The following MAF variants were observed in gnomAD, a reference collection of about 807,000 sequenced individuals.
MAF encodes MAF bZIP transcription factor.
Under a neutral mutation model 22.0 loss-of-function variants are expected in MAF, and 10 were observed. The ratio of observed to expected loss-of-function variants is 0.45; its 90% CI spans 0.28 to 0.77. The LOEUF (loss-of-function observed/expected upper bound fraction) is 0.77, where lower values mean the gene tolerates loss of function less well. MAF is among the 30% of genes least tolerant of loss of function. MAF has a pLI of 0.12. For synonymous variants in MAF, 337 were observed against 255.8 expected, an observed-to-expected ratio of 1.32 and a Z score of -3.03; for missense variants, 544 against 548.4, an observed-to-expected ratio of 0.99 and a Z score of 0.08.
At chr16:79,231,410 C>G in the MAF span, among the ~76,000 whole-genome samples, 1 of 152,016 alleles carries the variant, frequency 6.6e-6, no homozygotes, top group African/African-American at 2.4e-5. Flanking sequence ...AGGATGTAGT[C>G]TAAATCACGA....
At chr16:79,316,512 G>C in the MAF span, among the ~76,000 whole-genome samples, 6 of 152,186 alleles carry the variant, frequency 3.9e-5, no homozygotes, top group African/African-American at 9.6e-5. Flanking sequence ...CTGCTAAATG[G>C]GATAAATGTT....
the MAF span, among the ~76,000 whole-genome samples, chr16:79,510,341 C>G: frequency 5.9e-5 from 9 of 152,190 alleles, no homozygotes; most frequent in African/African-American, 2.2e-4. Flanking sequence ...CGAGAATCCT[C>G]TGATTGTAAA....
At chr16:79,304,771 A>T in the MAF span, among the ~76,000 whole-genome samples, 5 of 152,208 alleles carry the variant, frequency 3.3e-5, no homozygotes, top group Non-Finnish European at 7.3e-5. Context: ...GGACTAAATG[A>T]TTATTGCTGT....
chr16:79,333,405 C>T, the MAF span, among the ~76,000 whole-genome samples: 1 of 152,088 alleles, frequency 6.6e-6, no homozygotes, highest in Non-Finnish European at 1.5e-5. Flanking sequence ...TGTAAAAAGT[C>T]AGTGGGGCAG....
the MAF span, among the ~76,000 whole-genome samples, chr16:79,422,865 G>A: frequency 6.6e-6 from 1 of 152,228 alleles, no homozygotes; most frequent in Admixed American, 6.5e-5. Context: ...GAATAAAAGA[G>A]GTAAGGTCTC....
At chr16:79,555,196 C>T in the MAF span, among the ~76,000 whole-genome samples, 1 of 152,314 alleles carries the variant, frequency 6.6e-6, no homozygotes, top group African/African-American at 2.4e-5. Flanking sequence ...CTTCCATCCT[C>T]CTCTCTCATC....
At chr16:79,559,440 G>A in the MAF span, among the ~76,000 whole-genome samples, 1 of 152,148 alleles carries the variant, frequency 6.6e-6, no homozygotes, top group Non-Finnish European at 1.5e-5. Context: ...GTCTTCGAGT[G>A]GCAGGTTTCA....
the MAF span, among the ~76,000 whole-genome samples, chr16:79,562,749 C>T: frequency 6.6e-6 from 1 of 152,134 alleles, no homozygotes; most frequent in Non-Finnish European, 1.5e-5. Flanking sequence ...GGCTCCAACT[C>T]AGTATTGTAC....
At chr16:79,597,558 G>GA in intron 1 of MAF, 1 of 1,023,100 alleles carries the variant, frequency 9.8e-7, no homozygotes, top group Non-Finnish European at 1.2e-6. Context: ...CTTTGACAAG[G>GA]AATGCCTTCA....
chr16:79,262,410 A>G, the MAF span, among the ~76,000 whole-genome samples: 1 of 152,206 alleles, frequency 6.6e-6, no homozygotes, highest in African/African-American at 2.4e-5. Flanking sequence ...CTTGGGACAG[A>G]ACTATTTTGG....
At chr16:79,208,169 C>G in the MAF span, among the ~76,000 whole-genome samples, 2 of 152,176 alleles carry the variant, frequency 1.3e-5, no homozygotes, top group South Asian at 4.1e-4. Flanking sequence ...ATTGATTGCA[C>G]AGTTCTCCTC....
At chr16:79,203,781 C>T in the MAF span, 1 of 152,150 alleles carries the variant, frequency 6.6e-6, no homozygotes, top group Non-Finnish European at 1.5e-5. Flanking sequence ...GAACTGAGCT[C>T]ATTAATTCTG....
downstream of MAF, among the ~76,000 whole-genome samples, chr16:79,592,877 G>A (rs1013797073): frequency 6.6e-6 from 1 of 152,160 alleles, no homozygotes; most frequent in Non-Finnish European, 1.5e-5. Flanking sequence ...ATCGTAGTGG[G>A]GAACCTTGCA....
chr16:79,428,557 G>A, the MAF span, among the ~76,000 whole-genome samples: 1 of 152,050 alleles, frequency 6.6e-6, no homozygotes. Context: ...GTCATGGGAG[G>A]GACAGGGTGC....
the MAF span, among the ~76,000 whole-genome samples, chr16:79,410,288 G>A: frequency 6.6e-6 from 1 of 152,188 alleles, no homozygotes; most frequent in African/African-American, 2.4e-5. Flanking sequence ...TCTGGGAGCT[G>A]CCCAATTTGC....
At chr16:79,423,478 A>C in the MAF span, among the ~76,000 whole-genome samples, 1 of 151,532 alleles carries the variant, frequency 6.6e-6, no homozygotes, top group African/African-American at 2.4e-5. Context: ...GAATTATCCA[A>C]ATCATGAATG....
the MAF span, among the ~76,000 whole-genome samples, chr16:79,573,369 T>C: frequency 6.6e-6 from 1 of 152,248 alleles, no homozygotes; most frequent in Non-Finnish European, 1.5e-5. Context: ...AAATCTAGGT[T>C]GCTTTTGATA....
At chr16:79,569,801 C>T in the MAF span, among the ~76,000 whole-genome samples, 1 of 152,184 alleles carries the variant, frequency 6.6e-6, no homozygotes, top group African/African-American at 2.4e-5. Flanking sequence ...TCACAAGTGA[C>T]CAATGTTAGG....
the MAF span, among the ~76,000 whole-genome samples, chr16:79,378,300 C>T: frequency 6.6e-6 from 1 of 152,098 alleles, no homozygotes; most frequent in Non-Finnish European, 1.5e-5. Context: ...TGCCAGTGGA[C>T]TTACTATGCA....
Sources: gnomAD v4.1 joint callset for allele counts (sites outside exome capture counted in the v4.1 genomes callset) on GRCh38, gnomAD v4.1.1 for gene constraint, MANE v1.5 for transcripts, NCBI Gene and HGNC (gene_info 2026-07-23, HGNC 2026-07-21) for gene names.